METTL16: variants seen among roughly 807,000 people sequenced by gnomAD.
METTL16 encodes the protein RNA N(6)-adenosine-methyltransferase METTL16.
A neutral mutation model predicts 57.9 loss-of-function variants in METTL16; 19 were observed. The ratio of observed to expected loss-of-function variants is 0.33; its 90% CI spans 0.23 to 0.48. The LOEUF is 0.48. METTL16 is among the 20% of genes least tolerant of loss of function. The probability of loss-of-function intolerance (pLI) is 0.99; values close to 1 mark genes in which losing one functional copy is unlikely to be tolerated. For missense variants in METTL16, 434 were observed against 691.5 expected, an observed-to-expected ratio of 0.63 and a Z score of 4.18; for synonymous variants, 246 against 255.6, an observed-to-expected ratio of 0.96 and a Z score of 0.36.
At chr17:2,452,988 T>G (rs1480524584) in intron 6 of METTL16, among the ~76,000 whole-genome samples, 3 of 151,928 alleles carry the variant, frequency 2.0e-5, no homozygotes, top group Non-Finnish European at 4.4e-5. Context: ...GCCTCCAGAG[T>G]AGCTGGGATT....
intron 2 of METTL16, among the ~76,000 whole-genome samples, chr17:2,498,356 G>A: frequency 6.6e-6 from 1 of 151,558 alleles, no homozygotes; most frequent in Non-Finnish European, 1.5e-5. Context: ...AGCTTGCGGT[G>A]AGCCGAGACA....
At chr17:2,473,883 T>A (rs1355272307) in intron 3 of METTL16, among the ~76,000 whole-genome samples, 3 of 152,122 alleles carry the variant, frequency 2.0e-5, no homozygotes, top group Non-Finnish European at 4.4e-5. Context: ...GGACTACAGG[T>A]GCATGCCACC....
chr17:2,454,572 T>A (rs533662422), intron 6 of METTL16, among the ~76,000 whole-genome samples: 2 of 148,142 alleles, frequency 1.4e-5, no homozygotes, highest in African/African-American at 2.5e-5. Flanking sequence ...TATTTTTTTT[T>A]TTTTTTTTTT....
At chr17:2,494,230 C>G (rs887212696) in intron 2 of METTL16, among the ~76,000 whole-genome samples, 3 of 152,030 alleles carry the variant, frequency 2.0e-5, no homozygotes, top group Non-Finnish European at 4.4e-5. Context: ...CCATGTTGGC[C>G]AGGCTGGTCT....
Position 2,502,348 on chromosome 17 carries a change from G to C in METTL16, c.1-17C>G. Reference sequence around the variant, plus strand: ...CAGAGCCATCTTAAGGAGAGAAAGAGAGAAAGAAAATCAGCATATTTATTA... The same window carrying C: ...CAGAGCCATCTTAAGGAGAGAAAGACAGAAAGAAAATCAGCATATTTATTA... On this transcript the variant is annotated splice_polypyrimidine_tract_variant and intron_variant, in intron 1 of 9. Coordinates refer to ENST00000263092, the MANE Select transcript of METTL16 (RefSeq NM_024086.4). 1 of 1,608,886 alleles carries C rather than the reference G, an allele frequency of 6.2e-7. No homozygotes were observed. Among genetic ancestry groups the C allele is most frequent in the South Asian group, 1.1e-5 (1 of 90,666 alleles).
intron 6 of METTL16, among the ~76,000 whole-genome samples, chr17:2,446,291 T>C (rs2066994685): frequency 6.6e-6 from 1 of 152,172 alleles, no homozygotes; most frequent in Non-Finnish European, 1.5e-5. Flanking sequence ...CTGGAGATCC[T>C]AGTCAGTACA....
chr17:2,470,048 T>C (rs1248239459), intron 4 of METTL16, among the ~76,000 whole-genome samples: 1 of 152,220 alleles, frequency 6.6e-6, no homozygotes, highest in Non-Finnish European at 1.5e-5. Flanking sequence ...TTTCATCAAC[T>C]GATAGACACA....
chr17:2,475,107 A>G (rs1180877160), intron 3 of METTL16: 7 of 152,218 alleles, frequency 4.6e-5, no homozygotes, highest in Non-Finnish European at 1.0e-4. Context: ...AGCAGAGGCT[A>G]GATACTCTTA....
At chr17:2,445,779 C>A (rs1488434909) in intron 6 of METTL16, among the ~76,000 whole-genome samples, 1 of 147,040 alleles carries the variant, frequency 6.8e-6, no homozygotes, top group Non-Finnish European at 1.5e-5. Flanking sequence ...GAGTAAGACT[C>A]TAACTTAAAA....
chr17:2,506,317 G>GGTCTCCCTCTGATGCCGAGCC (rs2067533937), intron 1 of METTL16, among the ~76,000 whole-genome samples: 1 of 131,206 alleles, frequency 7.6e-6, no homozygotes, highest in Non-Finnish European at 1.6e-5. Context: ...CTCTTGCCAC[G>GGTCTCCCTCTGATGCCGAGCC]GTCTCCCTCT....
Position 2,420,543 on chromosome 17 carries a change from C to A in METTL16, c.1116G>T (p.Thr372=), listed in dbSNP as rs767758426. ...AATGAATCCAGGAGTTTTCTATGGCCGTTAGGAAAAGGCTGACTTCCTCTT... is the reference window on the plus strand; with the variant it reads ...AATGAATCCAGGAGTTTTCTATGGCAGTTAGGAAAAGGCTGACTTCCTCTT... ...CGKEEVSLFL[T]AIENSWIHLR... is the part of the protein sequence containing the mutation. The change falls in exon 10 of 10, where the codon ACG becomes ACT. Residue 372 remains threonine (T), a synonymous_variant. Coordinates refer to ENST00000263092, the MANE Select transcript of METTL16 (RefSeq NM_024086.4). The surrounding 1 kb of genome is among the most constrained non-coding windows in gnomAD (Gnocchi z 5.4). The A allele has an allele frequency of 1.9e-6, 3 of 1,613,470 alleles. No homozygotes were observed. Among genetic ancestry groups the A allele is most frequent in the Non-Finnish European group, 2.5e-6 (3 of 1,180,002 alleles).
intron 6 of METTL16, among the ~76,000 whole-genome samples, chr17:2,452,029 AG>A (rs1403301160): frequency 6.7e-6 from 1 of 149,688 alleles, no homozygotes; most frequent in African/African-American, 2.5e-5. Flanking sequence ...CCCAGCTACT[AG>A]GGGGGCTGAG....
chr17:2,493,432 T>C (rs969087362), intron 2 of METTL16, among the ~76,000 whole-genome samples: 3 of 150,594 alleles, frequency 2.0e-5, no homozygotes, highest in Admixed American at 6.6e-5. Context: ...TACAAAGCCA[T>C]TGTAGGCTGG....
At chr17:2,494,506 CA>C (rs2067426325) in intron 2 of METTL16, among the ~76,000 whole-genome samples, 2 of 152,148 alleles carry the variant, frequency 1.3e-5, no homozygotes. Context: ...GTAACTCTCA[CA>C]ATATTTCAAA....
chr17:2,464,538 T>C (rs1415891108), intron 5 of METTL16, among the ~76,000 whole-genome samples, 188 bp from the exon 6 acceptor site: 1 of 152,242 alleles, frequency 6.6e-6, no homozygotes, highest in Non-Finnish European at 1.5e-5. Flanking sequence ...TGCAACTATT[T>C]CTTCCCAGGT....
At chr17:2,463,009 T>C (rs1239119488) in intron 6 of METTL16, among the ~76,000 whole-genome samples, 1 of 152,154 alleles carries the variant, frequency 6.6e-6, no homozygotes, top group Non-Finnish European at 1.5e-5. Flanking sequence ...GACAAATAGC[T>C]CTTTTTGAGT....
At chr17:2,430,941 A>T (rs1034074827) in intron 8 of METTL16, among the ~76,000 whole-genome samples, 8 of 151,602 alleles carry the variant, frequency 5.3e-5, no homozygotes, top group Non-Finnish European at 1.2e-4. Context: ...ATTATTAAAT[A>T]ATAATAATTA....
chr17:2,491,815 C>G (rs1312143928), intron 2 of METTL16, among the ~76,000 whole-genome samples: 2 of 137,358 alleles, frequency 1.5e-5, no homozygotes, highest in South Asian at 4.5e-4. Flanking sequence ...GCAGAGCTTG[C>G]AGTGAGCCGA....
intron 7 of METTL16, among the ~76,000 whole-genome samples, chr17:2,438,429 A>C (rs899262448): frequency 2.0e-5 from 3 of 152,240 alleles, no homozygotes; most frequent in African/African-American, 7.2e-5. Context: ...ATATGACTTG[A>C]AGGTTCAAAT....
Sources: gnomAD v4.1 joint callset for allele counts (sites outside exome capture counted in the v4.1 genomes callset) on GRCh38, gnomAD v4.1.1 for gene constraint, Gnocchi (gnomAD v3.1) non-coding constraint, MANE v1.5 for transcripts, NCBI Gene and HGNC (gene_info 2026-07-23, HGNC 2026-07-21) for gene names.